The following TMEM45B variants were observed in gnomAD, a reference collection of about 807,000 sequenced individuals.
The protein encoded by TMEM45B is transmembrane protein 45B.
TMEM45B carries 29 observed loss-of-function variants against 27.3 expected under a neutral mutation model. The observed-to-expected ratio is 1.06, with a 90% confidence interval of 0.79 to 1.45. The LOEUF (loss-of-function observed/expected upper bound fraction) is 1.45. TMEM45B is among the 40% of genes most tolerant of loss of function. The pLI, the probability that TMEM45B is intolerant of heterozygous loss-of-function variation, is 0.00. For missense variants in TMEM45B, 348 were observed against 343.9 expected (o/e 1.01, Z -0.09); for synonymous variants, 143 against 134.7 (o/e 1.06, Z -0.43).
intron 1 of TMEM45B, among the ~76,000 whole-genome samples, chr11:129,829,347 T>C (rs1182336734): frequency 6.6e-6 from 1 of 152,198 alleles, no homozygotes; most frequent in African/African-American, 2.4e-5. Context: ...CATGTGTGAG[T>C]TGGTTTCTAT....
At chr11:129,851,331 G>A (rs962945849) in intron 1 of TMEM45B, among the ~76,000 whole-genome samples, 13 of 151,728 alleles carry the variant, frequency 8.6e-5, no homozygotes, top group African/African-American at 2.4e-4. Flanking sequence ...ATCACCTAAG[G>A]TCAGGAGTTC....
At chr11:129,854,021 C>T (rs564920391) in intron 2 of TMEM45B, among the ~76,000 whole-genome samples, 2 of 152,278 alleles carry the variant, frequency 1.3e-5, no homozygotes, top group Admixed American at 6.5e-5. Flanking sequence ...CCTTGTTTAC[C>T]CGGTGTTTTA....
intron 1 of TMEM45B, among the ~76,000 whole-genome samples, chr11:129,835,430 G>T (rs1947608610): frequency 6.6e-6 from 1 of 152,106 alleles, no homozygotes; most frequent in Non-Finnish European, 1.5e-5. Context: ...AGGTTTTTGA[G>T]AATTTATACC....
chr11:129,840,681 T>A (rs550447053), intron 1 of TMEM45B, among the ~76,000 whole-genome samples: 42 of 152,058 alleles, frequency 2.8e-4, no homozygotes, highest in Middle Eastern at 3.4e-3. Context: ...TCAGGAGTTC[T>A]ATATCAGCCT....
At chr11:129,833,164 C>T (rs959472549) in intron 1 of TMEM45B, among the ~76,000 whole-genome samples, 3 of 151,576 alleles carry the variant, frequency 2.0e-5, no homozygotes, top group South Asian at 2.1e-4. Flanking sequence ...TGCTTGAACC[C>T]GAGAGGTGGA....
chr11:129,815,939 G>A (rs1947344779), intron 1 of TMEM45B, 41 bp downstream of exon 1: 2 of 1,267,328 alleles, frequency 1.6e-6, no homozygotes, highest in Non-Finnish European at 2.0e-6. Context: ...ACCTGGAGGA[G>A]GGCTCGAAGG....
intron 1 of TMEM45B, among the ~76,000 whole-genome samples, chr11:129,849,565 C>A (rs975754477): frequency 1.6e-4 from 24 of 152,194 alleles, no homozygotes; most frequent in Admixed American, 2.6e-4. Flanking sequence ...TCAAAGAAAT[C>A]CTTTCCATCG....
intron 1 of TMEM45B, 126 bp downstream of exon 1, chr11:129,816,024 G>A (rs1434828027): frequency 4.1e-6 from 5 of 1,223,300 alleles, no homozygotes; most frequent in African/African-American, 1.6e-5. Flanking sequence ...GCGGGGGAGG[G>A]GACGCGGACA....
At chr11:129,816,051 C>G (rs907037512) in intron 1 of TMEM45B, among the ~76,000 whole-genome samples, 153 bp downstream of exon 1, 5 of 152,042 alleles carry the variant, frequency 3.3e-5, no homozygotes, top group African/African-American at 1.2e-4. Context: ...GGCTCTGGGA[C>G]AGGGGTGAAG....
At chr11:129,827,422 A>G (rs2135559296) in intron 1 of TMEM45B, among the ~76,000 whole-genome samples, 1 of 152,356 alleles carries the variant, frequency 6.6e-6, no homozygotes, top group South Asian at 2.1e-4. Context: ...TCAAACCTGT[A>G]CAGCACATTA....
At chr11:129,847,939 G>C (rs1435835732) in intron 1 of TMEM45B, among the ~76,000 whole-genome samples, 58 of 151,572 alleles carry the variant, frequency 3.8e-4, no homozygotes, top group Non-Finnish European at 8.8e-5. Flanking sequence ...GGGCAGAGGG[G>C]CTCCTCACTT....
At chr11:129,830,336 A>G (rs377649296) in intron 1 of TMEM45B, among the ~76,000 whole-genome samples, 62 of 152,350 alleles carry the variant, frequency 4.1e-4, no homozygotes, top group African/African-American at 1.4e-3. Flanking sequence ...TCAAAAAATA[A>G]ATAGATAGAT....
At chr11:129,855,425 G>A (rs953384124) in intron 3 of TMEM45B, among the ~76,000 whole-genome samples, 1 of 152,200 alleles carries the variant, frequency 6.6e-6, no homozygotes, top group South Asian at 2.1e-4. Context: ...TGAATTTCAA[G>A]TATACACACA....
intron 1 of TMEM45B, among the ~76,000 whole-genome samples, chr11:129,836,426 A>G (rs509912): frequency 0.93 from 140,819 of 152,154 alleles, 65,248 homozygotes; most frequent in East Asian, 1. Context: ...GGATGGGGAT[A>G]AGTGTATTTT....
chr11:129,855,516 A>G (rs574728887), intron 3 of TMEM45B, among the ~76,000 whole-genome samples, 192 bp from the exon 4 acceptor site: 1 of 152,276 alleles, frequency 6.6e-6, no homozygotes, highest in Non-Finnish European at 1.5e-5. Flanking sequence ...AGATTTTAAG[A>G]TACAATCCCT....
rs1369439678 is a variant in TMEM45B, at chr11:129,854,813, G to C, written c.382G>C (p.Glu128Gln). Residue 128 changes from glutamate (E) to glutamine (Q), a missense_variant, in exon 3 of 6, where the codon GAA becomes CAA. Coordinates refer to ENST00000281441, the MANE Select transcript of TMEM45B (RefSeq NM_138788.5). ...GGTTATGGCTGTGGCAGTATTCATG[G>C]AAGGTAATTTTGTGGAACGGATGGA... ...RLVMAVAVFM[E>Q]GFLFYYHVHN... The C allele has an allele frequency of 4.3e-6, 7 of 1,612,798 alleles. No homozygotes were observed. Among genetic ancestry groups the C allele is most frequent in the African/African-American group, 1.3e-5 (1 of 74,942 alleles).
chr11:129,836,184 C>T (rs1565366840), intron 1 of TMEM45B, among the ~76,000 whole-genome samples: 5 of 152,016 alleles, frequency 3.3e-5, no homozygotes, highest in Admixed American at 1.3e-4. Context: ...GATCCATGAC[C>T]ACTTTCTTCT....
chr11:129,822,888 T>C (rs914608174), intron 1 of TMEM45B, among the ~76,000 whole-genome samples: 1 of 150,534 alleles, frequency 6.6e-6, no homozygotes, highest in Non-Finnish European at 1.5e-5. Context: ...TGGCCCAGGC[T>C]GGAGTGCAGT....
chr11:129,819,703 G>C (rs541338741), intron 1 of TMEM45B, among the ~76,000 whole-genome samples: 288 of 151,844 alleles, frequency 1.9e-3, no homozygotes, highest in African/African-American at 6.6e-3. Flanking sequence ...TTACAGACGT[G>C]CACCACCACG....
Sources: gnomAD v4.1 joint callset for allele counts (sites outside exome capture counted in the v4.1 genomes callset) on GRCh38, gnomAD v4.1.1 for gene constraint, MANE v1.5 for transcripts, NCBI Gene and HGNC (gene_info 2026-07-23, HGNC 2026-07-21) for gene names.